The following NAV2 variants were observed in gnomAD, a reference collection of about 807,000 sequenced individuals.
NAV2 encodes the protein helicase, APC down-regulated 1.
A neutral mutation model predicts 223.2 loss-of-function variants in NAV2; 54 were observed. That is an observed-to-expected ratio of 0.24 (90% CI 0.19 to 0.30). NAV2 has a LOEUF of 0.30. NAV2 is among the 10% of genes least tolerant of loss of function. The pLI, the probability that NAV2 is intolerant of heterozygous loss-of-function variation, is 1.00. For synonymous variants in NAV2, 1,279 were observed against 1,239.3 expected (o/e 1.03, Z -0.67); for missense variants, 2,806 against 3,147.5 (o/e 0.89, Z 2.60).
At chr11:19,876,965 ATATT>A (rs35395234) in intron 4 of NAV2, among the ~76,000 whole-genome samples, 58,306 of 147,658 alleles carry the variant, frequency 0.39, 12,637 homozygotes, top group East Asian at 0.49. Context: ...TCAATAAAAA[ATATT>A]TATTTATTTA....
At chr11:19,830,842 G>T (rs2059888980) in intron 1 of NAV2, among the ~76,000 whole-genome samples, 1 of 152,020 alleles carries the variant, frequency 6.6e-6, no homozygotes, top group South Asian at 2.1e-4. Context: ...AGGTGATGGG[G>T]TCTACTTCCT....
intron 8 of NAV2, among the ~76,000 whole-genome samples, chr11:19,942,577 C>T (rs2046490844): frequency 6.6e-6 from 1 of 152,192 alleles, no homozygotes; most frequent in African/African-American, 2.4e-5. Flanking sequence ...CATGCTTTTC[C>T]TACAACCCCA....
chr11:19,936,638 G>A (rs1288879736), intron 7 of NAV2, among the ~76,000 whole-genome samples: 1 of 152,186 alleles, frequency 6.6e-6, no homozygotes, highest in African/African-American at 2.4e-5. Flanking sequence ...CCTGGGCCCT[G>A]TCCTTTATCA....
intron 1 of NAV2, among the ~76,000 whole-genome samples, chr11:19,364,213 A>G (rs1181768712): frequency 2.0e-5 from 3 of 152,174 alleles, no homozygotes; most frequent in African/African-American, 2.4e-5. Flanking sequence ...GTTATGAATA[A>G]CAAAAGGTGC....
intron 1 of NAV2, among the ~76,000 whole-genome samples, chr11:19,593,239 T>C (rs2046111863): frequency 6.6e-6 from 1 of 152,172 alleles, no homozygotes; most frequent in African/African-American, 2.4e-5. Flanking sequence ...CTAAGTAGAA[T>C]GGCAAAGTAT....
At chr11:19,674,709 G>C (rs527258809) in intron 1 of NAV2, among the ~76,000 whole-genome samples, 3 of 152,156 alleles carry the variant, frequency 2.0e-5, no homozygotes. Context: ...GGAACATAAG[G>C]TTTTCCACCT....
At position 19,740,406 on chromosome 11, in the gene NAV2, C is replaced by G. The variant is rs540357229; in HGVS notation, c.267+26444C>G. On this transcript the variant is annotated intron_variant, in intron 1 of 37. Coordinates refer to ENST00000349880, the MANE Select transcript of NAV2 (RefSeq NM_145117.5). Reference sequence around the variant, plus strand: ...ATCACCACTCCCTAATCTCAAGTACCCAGGGACACAAACACTGCCGAAGGC... The same window carrying G: ...ATCACCACTCCCTAATCTCAAGTACGCAGGGACACAAACACTGCCGAAGGC... Among the ~76,000 whole-genome samples the G allele has an allele frequency of 2.0e-5, 3 of 152,194 alleles. No individual in the cohort carries two copies. In the East Asian group the frequency reaches 5.8e-4, roughly 29 times the overall value.
chr11:20,105,455 C>T (rs375086577), intron 34 of NAV2, 76 bp from the exon 35 acceptor site: 13 of 1,240,824 alleles, frequency 1.0e-5, no homozygotes, highest in Middle Eastern at 4.5e-4. Flanking sequence ...CTGTTTCTAA[C>T]GTGCTTTGGT....
intron 1 of NAV2, among the ~76,000 whole-genome samples, chr11:19,791,827 G>A (rs974935488): frequency 6.6e-6 from 1 of 152,166 alleles, no homozygotes; most frequent in African/African-American, 2.4e-5. Flanking sequence ...ACATGGCTCT[G>A]GGCCTCATTC....
At chr11:19,723,001 T>C (rs915707741) in intron 1 of NAV2, among the ~76,000 whole-genome samples, 1 of 152,170 alleles carries the variant, frequency 6.6e-6, no homozygotes, top group Non-Finnish European at 1.5e-5. Context: ...GCTGTGAGGA[T>C]GTAATAATGG....
At chr11:19,956,904 G>A (rs927137959) in intron 10 of NAV2, among the ~76,000 whole-genome samples, 30 of 152,058 alleles carry the variant, frequency 2.0e-4, no homozygotes, top group African/African-American at 5.6e-4. Flanking sequence ...GGTTTGTCTC[G>A]CAACCAGCTC....
At chr11:19,966,992 G>A (rs957676131) in intron 10 of NAV2, among the ~76,000 whole-genome samples, 1 of 152,160 alleles carries the variant, frequency 6.6e-6, no homozygotes. Context: ...AATACAGGTC[G>A]TGTTCATTAA....
intron 1 of NAV2, among the ~76,000 whole-genome samples, chr11:19,718,420 T>A (rs187854686): frequency 6.6e-6 from 1 of 152,362 alleles, no homozygotes; most frequent in Non-Finnish European, 1.5e-5. Context: ...CTAGTTTTTT[T>A]AAAAAAGTAA....
At chr11:19,747,440 A>G (rs1295296723) in intron 1 of NAV2, among the ~76,000 whole-genome samples, 1 of 152,174 alleles carries the variant, frequency 6.6e-6, no homozygotes, top group Non-Finnish European at 1.5e-5. Flanking sequence ...GAGAGGTTGA[A>G]TCAGTAGTTT....
intron 6 of NAV2, among the ~76,000 whole-genome samples, chr11:19,915,060 A>T (rs2043682413): frequency 6.6e-6 from 1 of 152,140 alleles, no homozygotes; most frequent in Non-Finnish European, 1.5e-5. Flanking sequence ...TACCCTTAAG[A>T]GCTTTGTCTT....
At chr11:19,894,876 A>G (rs2153158060) in intron 6 of NAV2, among the ~76,000 whole-genome samples, 1 of 152,094 alleles carries the variant, frequency 6.6e-6, no homozygotes, top group South Asian at 2.1e-4. Context: ...GATTACAGGC[A>G]TGTGCCACCA....
intron 1 of NAV2, among the ~76,000 whole-genome samples, chr11:19,548,527 C>T (rs1458265698): frequency 1.3e-5 from 2 of 152,110 alleles, no homozygotes; most frequent in African/African-American, 2.4e-5. Context: ...ACAACCAAAG[C>T]GTGTGCCCTT....
intron 11 of NAV2, among the ~76,000 whole-genome samples, chr11:20,024,068 T>C (rs1480888386): frequency 6.6e-6 from 1 of 152,210 alleles, no homozygotes; most frequent in Non-Finnish European, 1.5e-5. Context: ...CATGCCTTCC[T>C]GGGTGGGCTT....
chr11:19,552,312 G>A lies in NAV2; in HGVS notation c.75+201285G>A, dbSNP rs367608363. ...ACACCAGAGGGGAGGCGTGTGAGGC[G>A]TCTGCAGGGAATTCACAGTTTACAG... is the stretch of plus-strand genomic sequence containing the variant. On this transcript the variant is annotated intron_variant, in intron 1 of 37. Coordinates refer to the NAV2 transcript ENST00000360655. Among the ~76,000 whole-genome samples the A allele has an allele frequency of 5.3e-5, 8 of 152,298 alleles. No homozygotes were observed. The East Asian group carries it at 5.8e-4, about 11-fold the overall frequency.
Sources: allele counts gnomAD v4.1 joint callset (sites outside exome capture counted in the v4.1 genomes callset), GRCh38; gene constraint gnomAD v4.1.1; transcripts MANE v1.5; gene names NCBI Gene and HGNC (gene_info 2026-07-23, HGNC 2026-07-21).